The following ATRNL1 variants were observed in gnomAD, a reference collection of about 807,000 sequenced individuals.
ATRNL1 encodes the protein attractin like 1.
Under a neutral mutation model 182.7 loss-of-function variants are expected in ATRNL1, and 95 were observed. That is an observed-to-expected ratio of 0.52 (90% CI 0.44 to 0.62). ATRNL1 has a LOEUF of 0.62. ATRNL1 is among the 20% of genes least tolerant of loss of function. The probability of loss-of-function intolerance (pLI) is 0.00; values close to 1 mark genes in which losing one functional copy is unlikely to be tolerated. For missense variants in ATRNL1, 1,471 were observed against 1,679.5 expected (o/e 0.88, Z 2.17); for synonymous variants, 576 against 568.3 (o/e 1.01, Z -0.19).
chr10:115,654,853 A>T (rs2420098), intron 26 of ATRNL1, among the ~76,000 whole-genome samples: 1 of 151,954 alleles, frequency 6.6e-6, no homozygotes, highest in Non-Finnish European at 1.5e-5. Flanking sequence ...GGCTTTGTCC[A>T]GTTGTGTACA....
chr10:115,504,572 T>G (rs11197249), intron 24 of ATRNL1, among the ~76,000 whole-genome samples: 58,913 of 151,928 alleles, frequency 0.39, 12,456 homozygotes, highest in Middle Eastern at 0.49. Context: ...TAGCCAAATT[T>G]TGACACTGTA....
chr10:115,596,789 A>T (rs782154264), intron 26 of ATRNL1, among the ~76,000 whole-genome samples: 4 of 152,194 alleles, frequency 2.6e-5, no homozygotes, highest in Non-Finnish European at 4.4e-5. Context: ...ACTTATTGTT[A>T]TAAATCCATT....
chr10:115,764,979 C>A (rs1395016160), intron 27 of ATRNL1, among the ~76,000 whole-genome samples: 3 of 152,148 alleles, frequency 2.0e-5, no homozygotes, highest in African/African-American at 7.2e-5. Context: ...CAGCCTCCTC[C>A]ATGTCTTTTT....
At chr10:115,457,098 C>T (rs1216614500) in intron 21 of ATRNL1, among the ~76,000 whole-genome samples, 4 of 151,946 alleles carry the variant, frequency 2.6e-5, no homozygotes, top group Admixed American at 1.3e-4. Context: ...GTTCTTTTCT[C>T]GTGACCATGA....
intron 15 of ATRNL1, among the ~76,000 whole-genome samples, chr10:115,287,497 A>G (rs545230978): frequency 1.2e-5 from 1 of 85,224 alleles, no homozygotes; most frequent in East Asian, 6.0e-4. Context: ...GTTAATATTG[A>G]AACTGATTGT....
chr10:115,699,099 C>T (rs769200436), intron 26 of ATRNL1, among the ~76,000 whole-genome samples: 15 of 151,686 alleles, frequency 9.9e-5, no homozygotes, highest in Non-Finnish European at 2.1e-4. Flanking sequence ...TTTTATAAAG[C>T]TTTGTTGAGA....
At chr10:115,205,743 C>T (rs781867932) in intron 8 of ATRNL1, among the ~76,000 whole-genome samples, 1 of 152,018 alleles carries the variant, frequency 6.6e-6, no homozygotes, top group Non-Finnish European at 1.5e-5. Context: ...TACCTCATTA[C>T]AGGTACCTTT....
chr10:115,203,294 A>C (rs1368779990), intron 8 of ATRNL1, among the ~76,000 whole-genome samples: 1 of 152,150 alleles, frequency 6.6e-6, no homozygotes, highest in Non-Finnish European at 1.5e-5. Context: ...GCAGTAATAG[A>C]GATTGGTGTT....
At chr10:115,713,629 A>T (rs1309018906) in intron 26 of ATRNL1, among the ~76,000 whole-genome samples, 2 of 152,086 alleles carry the variant, frequency 1.3e-5, no homozygotes, top group Non-Finnish European at 2.9e-5. Context: ...ACACACACAC[A>T]CACACATATA....
Position 115,939,999 on chromosome 10 carries a change from C to T in ATRNL1, c.4019-4659C>T, listed in dbSNP as rs573039256. On this transcript the variant is annotated intron_variant, in intron 28 of 28. Coordinates refer to ENST00000355044, the MANE Select transcript of ATRNL1 (RefSeq NM_207303.4). The stretch of plus-strand genomic sequence containing the variant: ...ACGACCTTTATGTCTTTGTTGCCAG[C>T]GTGAAAATAAACCAAGACCAAGCAA... 4.6e-5 allele frequency among the ~76,000 whole-genome samples: 7 copies of T among 152,226 alleles called. No homozygotes were observed. In the South Asian group the frequency reaches 8.3e-4, roughly 18 times the overall value.
intron 28 of ATRNL1, among the ~76,000 whole-genome samples, chr10:115,925,028 T>A (rs1188621094): frequency 6.6e-6 from 1 of 152,180 alleles, no homozygotes; most frequent in East Asian, 1.9e-4. Flanking sequence ...GGGAGTACAT[T>A]CATGATTTGG....
intron 27 of ATRNL1, among the ~76,000 whole-genome samples, chr10:115,832,077 T>C (rs2134314179): frequency 6.6e-6 from 1 of 152,308 alleles, no homozygotes; most frequent in Admixed American, 6.5e-5. Flanking sequence ...GGGAAAAAGC[T>C]AAGGTCATAG....
chr10:115,279,995 T>C (rs1251475414), intron 13 of ATRNL1, among the ~76,000 whole-genome samples: 1 of 152,176 alleles, frequency 6.6e-6, no homozygotes, highest in Non-Finnish European at 1.5e-5. Context: ...TCTCCAAGGC[T>C]CCATTATGAA....
chr10:115,630,853 CACACACACACACACACACACAT>C (rs1858454384), intron 26 of ATRNL1, among the ~76,000 whole-genome samples: 2 of 146,320 alleles, frequency 1.4e-5, no homozygotes, highest in East Asian at 2.0e-4. Flanking sequence ...CACACACACA[CACACACACACACACACACACAT>C]TGGAATTTTT....
intron 26 of ATRNL1, among the ~76,000 whole-genome samples, chr10:115,677,209 A>G (rs1277543675): frequency 1.3e-5 from 2 of 152,162 alleles, no homozygotes; most frequent in Non-Finnish European, 2.9e-5. Flanking sequence ...AAATGCAAAT[A>G]TAAGGGGTTC....
intron 9 of ATRNL1, among the ~76,000 whole-genome samples, chr10:115,233,835 T>A (rs1850062566): frequency 6.6e-6 from 1 of 152,094 alleles, no homozygotes. Context: ...CAACTTGGGT[T>A]AAATCAAACT....
intron 5 of ATRNL1, among the ~76,000 whole-genome samples, chr10:115,153,569 A>G (rs974899060): frequency 2.0e-5 from 3 of 152,022 alleles, no homozygotes; most frequent in Non-Finnish European, 2.9e-5. Context: ...CCCCTTTATC[A>G]TTTTTTATTG....
intron 21 of ATRNL1, among the ~76,000 whole-genome samples, chr10:115,432,644 A>T (rs1554964232): frequency 2.0e-5 from 3 of 152,132 alleles, no homozygotes; most frequent in Admixed American, 2.0e-4. Flanking sequence ...GTAGTTTTTC[A>T]AAGTTCATTT....
chr10:115,438,036 A>G (rs1846486908), intron 21 of ATRNL1, among the ~76,000 whole-genome samples: 1 of 152,006 alleles, frequency 6.6e-6, no homozygotes, highest in South Asian at 2.1e-4. Flanking sequence ...TAAAACTGAA[A>G]CGCAATATTA....
Sources: allele counts gnomAD v4.1 joint callset (sites outside exome capture counted in the v4.1 genomes callset), GRCh38; gene constraint gnomAD v4.1.1; transcripts MANE v1.5; gene names NCBI Gene and HGNC (gene_info 2026-07-23, HGNC 2026-07-21).